ZNF385D: variants seen among roughly 807,000 people sequenced by gnomAD.
ZNF385D encodes the protein zinc finger protein 659.
In ZNF385D, 15 loss-of-function variants were observed where a neutral mutation model predicts 35.8. The ratio of observed to expected loss-of-function variants is 0.42; its 90% CI spans 0.28 to 0.64. The LOEUF (loss-of-function observed/expected upper bound fraction) is 0.64, where lower values mean the gene tolerates loss of function less well. Ranked by LOEUF, ZNF385D falls within the 30% of genes least tolerant of loss-of-function variation. The pLI is 0.23. For missense variants in ZNF385D, 474 were observed against 494.6 expected (o/e 0.96, Z 0.39); for synonymous variants, 212 against 186.8 (o/e 1.13, Z -1.10).
At chr3:22,070,128 G>T (rs570641326) in intron 3 of ZNF385D, among the ~76,000 whole-genome samples, 1 of 152,016 alleles carries the variant, frequency 6.6e-6, no homozygotes, top group Non-Finnish European at 1.5e-5. Flanking sequence ...TCCCACAAAT[G>T]TTCACTTAGA....
chr3:21,788,972 G>C (rs149671514), intron 3 of ZNF385D, among the ~76,000 whole-genome samples: 36 of 152,262 alleles, frequency 2.4e-4, no homozygotes, highest in Non-Finnish European at 4.3e-4. Flanking sequence ...AAAGAATGGA[G>C]CAGATAGATT....
intron 2 of ZNF385D, among the ~76,000 whole-genome samples, chr3:22,364,403 G>A (rs1696557494): frequency 6.6e-6 from 1 of 151,926 alleles, no homozygotes; most frequent in African/African-American, 2.4e-5. Context: ...CTCCTAAAAT[G>A]CAACAACAAA....
At chr3:22,336,908 T>TAAAAAAAAAAAAAA (rs1559527421) in intron 2 of ZNF385D, among the ~76,000 whole-genome samples, 1 of 1,054 alleles carries the variant, frequency 9.5e-4, no homozygotes, top group African/African-American at 1.4e-3. Context: ...CAGTGATTTT[T>TAAAAAAAAAAAAAA]CAAAAAAAAA....
At chr3:21,816,997 T>G (rs1446884405) in intron 3 of ZNF385D, among the ~76,000 whole-genome samples, 1 of 152,004 alleles carries the variant, frequency 6.6e-6, no homozygotes, top group Non-Finnish European at 1.5e-5. Context: ...TATAGACCAA[T>G]GGAACAGAAC....
chr3:21,802,734 G>C (rs972244273), intron 3 of ZNF385D, among the ~76,000 whole-genome samples: 1 of 152,162 alleles, frequency 6.6e-6, no homozygotes, highest in Non-Finnish European at 1.5e-5. Flanking sequence ...GTTAGTCTCT[G>C]AGCCTTTGTC....
At chr3:21,716,660 C>T (rs115728591) in intron 1 of ZNF385D, among the ~76,000 whole-genome samples, 6,903 of 152,190 alleles carry the variant, frequency 0.045, 492 homozygotes, top group African/African-American at 0.15. Context: ...TTTCTCTTCA[C>T]CCTCCCCTTC....
At position 21,667,137 on chromosome 3, in the gene ZNF385D, A is replaced by T. The variant is rs139701067; in HGVS notation, c.23-2109T>A. On this transcript the variant is annotated intron_variant, in intron 1 of 7. Coordinates refer to ENST00000281523, the MANE Select transcript of ZNF385D (RefSeq NM_024697.3). ...CGAAATCAGTGATGTGGTGAAATTT[A>T]AGAAGTAGTTTTAAATTACTTTTAT... 2.5e-3 allele frequency among the ~76,000 whole-genome samples: 377 copies of T among 152,236 alleles called. 4 individuals are homozygous for T. The highest frequency in any genetic ancestry group is 6.8e-3 in the Middle Eastern group (2 of 294).
chr3:22,143,132 G>C (rs2125706962), intron 3 of ZNF385D, among the ~76,000 whole-genome samples: 1 of 150,146 alleles, frequency 6.7e-6, no homozygotes, highest in East Asian at 2.0e-4. Flanking sequence ...GCCCAGGCTG[G>C]AGTGCAGTGG....
chr3:22,132,411 A>G (rs1343248568), intron 3 of ZNF385D, among the ~76,000 whole-genome samples: 1 of 152,144 alleles, frequency 6.6e-6, no homozygotes, highest in Non-Finnish European at 1.5e-5. Context: ...AAATCTACCC[A>G]GTTTATGATA....
intron 2 of ZNF385D, among the ~76,000 whole-genome samples, chr3:22,182,345 C>T (rs11917146): frequency 0.11 from 16,225 of 152,120 alleles, 951 homozygotes; most frequent in Middle Eastern, 0.22. Flanking sequence ...AATATCCCAG[C>T]TGTATCCCTA....
rs78764016 is a variant in ZNF385D, at chr3:22,007,410, T to C, written c.325+161407A>G. ...CTTTTATGGATATTTATTTAGTTTG[T>C]TTTCCAAATTTGCAATTTCTAATAA... On this transcript the variant is annotated intron_variant, in intron 3 of 5. Coordinates refer to the ZNF385D transcript ENST00000494108. 1.4e-3 allele frequency among the ~76,000 whole-genome samples: 210 copies of C among 152,358 alleles called. 3 individuals are homozygous for C. In the East Asian group the frequency reaches 0.036, roughly 26 times the overall value.
chr3:21,893,981 C>T (rs1333333565), intron 3 of ZNF385D, among the ~76,000 whole-genome samples: 1 of 152,108 alleles, frequency 6.6e-6, no homozygotes, highest in Non-Finnish European at 1.5e-5. Context: ...CAACTTTTAA[C>T]ATGTTCAAAA....
chr3:21,722,281 T>C (rs1274727458), intron 1 of ZNF385D, among the ~76,000 whole-genome samples: 1 of 152,190 alleles, frequency 6.6e-6, no homozygotes, highest in Non-Finnish European at 1.5e-5. Context: ...CAAGCAGCTC[T>C]GAATAAAACC....
chr3:21,452,181 C>T (rs1301779400), intron 4 of ZNF385D, among the ~76,000 whole-genome samples: 1 of 151,974 alleles, frequency 6.6e-6, no homozygotes, highest in East Asian at 1.9e-4. Context: ...ATTAAATTTA[C>T]CAAGGTTTCT....
In ZNF385D at chr3:21,861,492, A is replaced by G. The variant is rs138788823; in HGVS notation, c.326-196464T>C. ...GAGGAGTGCAAATTTAGATAAATAC[A>G]ATTAATGGAAAATGTCTACGGGGAG... is the stretch of plus-strand genomic sequence containing the variant. On this transcript the variant is annotated intron_variant, in intron 3 of 5. Transcript: ENST00000494108. Among the ~76,000 whole-genome samples, 457 of 152,256 alleles carry G rather than the reference A, an allele frequency of 3.0e-3. 4 individuals carry two copies. The highest frequency in any genetic ancestry group is 0.011 in the African/African-American group (444 of 41,566).
At chr3:21,455,786 A>G (rs1220969957) in intron 4 of ZNF385D, among the ~76,000 whole-genome samples, 4 of 152,198 alleles carry the variant, frequency 2.6e-5, no homozygotes, top group African/African-American at 9.7e-5. Context: ...AGAAACTACC[A>G]TCAGAGTGAA....
intron 3 of ZNF385D, among the ~76,000 whole-genome samples, chr3:21,806,552 T>C (rs138601021): frequency 0.012 from 1,809 of 152,254 alleles, 41 homozygotes; most frequent in African/African-American, 0.041. Context: ...CATGTATACG[T>C]GAAACCAGTG....
chr3:21,700,845 C>T (rs1279502548), intron 1 of ZNF385D, among the ~76,000 whole-genome samples: 1 of 152,180 alleles, frequency 6.6e-6, no homozygotes, highest in African/African-American at 2.4e-5. Context: ...TCCAGTTCAT[C>T]TCTGTTACAA....
chr3:21,865,003 TC>T (rs1383101714), intron 3 of ZNF385D, among the ~76,000 whole-genome samples: 100 of 148,320 alleles, frequency 6.7e-4, no homozygotes, highest in African/African-American at 1.4e-3. Flanking sequence ...TTTTTTTTTT[TC>T]TTCCACTTTG....
Sources: gnomAD v4.1 joint callset for allele counts (sites outside exome capture counted in the v4.1 genomes callset) on GRCh38, gnomAD v4.1.1 for gene constraint, MANE v1.5 for transcripts, NCBI Gene and HGNC (gene_info 2026-07-23, HGNC 2026-07-21) for gene names.